The following HIRA variants were observed in gnomAD, a reference collection of about 807,000 sequenced individuals.
The protein encoded by HIRA is histone cell cycle regulator, also known as protein HIRA.
Under a neutral mutation model 126.6 loss-of-function variants are expected in HIRA, and 13 were observed. The ratio of observed to expected loss-of-function variants is 0.10; its 90% confidence interval spans 0.07 to 0.16. HIRA has a LOEUF of 0.16. Among genes scored for constraint, HIRA ranks in the 10% least tolerant of loss-of-function variants. The pLI, the probability that HIRA is intolerant of heterozygous loss-of-function variation, is 1.00. For missense variants in HIRA, 834 were observed against 1,314.4 expected (o/e 0.63, Z 5.65); for synonymous variants, 511 against 520.0 (o/e 0.98, Z 0.24).
chr22:19,363,076 T>C (rs1031716740), intron 15 of HIRA, among the ~76,000 whole-genome samples: 4 of 150,502 alleles, frequency 2.7e-5, no homozygotes, highest in Non-Finnish European at 5.9e-5. Flanking sequence ...TCTACTAAAA[T>C]ACAAAAAATT....
intron 1 of HIRA, among the ~76,000 whole-genome samples, chr22:19,422,167 T>TACACACACACACACACAC (rs1414193157): frequency 3.6e-5 from 2 of 56,262 alleles, no homozygotes; most frequent in African/African-American, 9.4e-5. Flanking sequence ...AATGTGTTTA[T>TACACACACACACACACAC]ATATACACAC....
chr22:19,332,686 T>C (rs112213743), intron 24 of HIRA, among the ~76,000 whole-genome samples: 39 of 150,228 alleles, frequency 2.6e-4, no homozygotes, highest in African/African-American at 9.3e-4. Flanking sequence ...GTGGGCACTT[T>C]AGAGGCATTT....
Position 19,388,516 on chromosome 22 carries a change from T to C in HIRA, c.975A>G (p.Glu325=). 2 of 1,613,666 alleles carry C rather than the reference T, an allele frequency of 1.2e-6. No homozygotes were observed. The highest frequency in any genetic ancestry group is 1.7e-6 in the Non-Finnish European group (2 of 1,179,584). Residue 325 remains glutamate, a synonymous_variant, in exon 10 of 25, where the codon GAA becomes GAG. Coordinates refer to ENST00000263208, the MANE Select transcript of HIRA (RefSeq NM_003325.4). ...CLKRPLVVIH[E]LFDKSIMDIS... ...TATCCATGATGGATTTGTCAAACAGTTCATGGATGACCACCAGCGGCCGTT... is the reference window on the plus strand; with the variant it reads ...TATCCATGATGGATTTGTCAAACAGCTCATGGATGACCACCAGCGGCCGTT...
At chr22:19,361,057 G>A (rs2088858815) in intron 17 of HIRA, among the ~76,000 whole-genome samples, 180 bp downstream of exon 17, 2 of 152,252 alleles carry the variant, frequency 1.3e-5, no homozygotes, top group South Asian at 2.1e-4. Flanking sequence ...GAGAGTGGAG[G>A]CTGGCAATTT....
intron 1 of HIRA, among the ~76,000 whole-genome samples, chr22:19,424,331 A>G (rs2089472341): frequency 6.6e-6 from 1 of 152,258 alleles, no homozygotes; most frequent in African/African-American, 2.4e-5. Context: ...GGGAAGACCC[A>G]AAGTCCAAGG....
intron 21 of HIRA, among the ~76,000 whole-genome samples, chr22:19,355,215 C>T (rs527868065): frequency 2.6e-4 from 40 of 152,190 alleles, no homozygotes; most frequent in African/African-American, 9.4e-4. Context: ...CTTGGAGTGG[C>T]TGGAACACAA....
intron 15 of HIRA, among the ~76,000 whole-genome samples, chr22:19,372,728 T>C (rs1398231615): frequency 6.6e-6 from 1 of 152,092 alleles, no homozygotes; most frequent in Non-Finnish European, 1.5e-5. Flanking sequence ...CCTGCCACCA[T>C]GCCTGGCTCA....
intron 15 of HIRA, among the ~76,000 whole-genome samples, chr22:19,363,749 T>G (rs2088886736): frequency 6.6e-6 from 1 of 151,940 alleles, no homozygotes; most frequent in African/African-American, 2.4e-5. Context: ...AATACAAAAA[T>G]TAGCCACGTG....
chr22:19,399,272 T>C lies in HIRA; in HGVS notation c.398-1185A>G, dbSNP rs900264544. Reference sequence around the variant, plus strand: ...TAATAGCTATCAAGTCCTTTCTTTGTACAAGAGGTTTAAGCAAAATATTCC... The same window carrying C: ...TAATAGCTATCAAGTCCTTTCTTTGCACAAGAGGTTTAAGCAAAATATTCC... On this transcript the variant is annotated intron_variant, in intron 5 of 24. Transcript: ENST00000263208. The C allele has an allele frequency of 1.5e-5, 7 of 478,282 alleles. No individual in the cohort carries two copies. The Admixed American group carries it at 3.2e-4, about 22-fold the overall frequency. 29.6% of individuals were successfully genotyped at this position (478,282 alleles called of 1,614,324 possible). A position where few individuals can be genotyped will look rare whatever the true frequency, so the allele number is the denominator to read the frequency against.
At chr22:19,357,484 A>G (rs1193879198) in intron 18 of HIRA, among the ~76,000 whole-genome samples, 2 of 152,216 alleles carry the variant, frequency 1.3e-5, no homozygotes, top group Non-Finnish European at 2.9e-5. Context: ...TGGGGATGAC[A>G]GCATGCACCT....
At chr22:19,385,764 G>A (rs2146218516) in intron 11 of HIRA, 28 bp from the exon 12 acceptor site, 2 of 1,596,276 alleles carry the variant, frequency 1.3e-6, no homozygotes, top group African/African-American at 1.3e-5. Context: ...GGCATGACAT[G>A]CCAGCATGAG....
chr22:19,370,188 G>T (rs904703726), intron 15 of HIRA, among the ~76,000 whole-genome samples: 4 of 152,002 alleles, frequency 2.6e-5, no homozygotes, highest in African/African-American at 9.7e-5. Context: ...CCTAACCTCA[G>T]GTGATCTGCC....
At chr22:19,366,661 C>T (rs1158617529) in intron 15 of HIRA, among the ~76,000 whole-genome samples, 1 of 152,202 alleles carries the variant, frequency 6.6e-6, no homozygotes, top group African/African-American at 2.4e-5. Context: ...AAAACTTGAA[C>T]AAATGAGGAG....
chr22:19,387,799 C>G lies in HIRA; in HGVS notation c.1025G>C (p.Gly342Ala), dbSNP rs747751052. ...GCCGTCCATAGAGCATACCAAGATG[C>G]CCAGCCCATTCAGAGTCCTGAAAGA... ...MDISWTLNGL[G>A]ILVCSMDGSV... Residue 342 changes from glycine to alanine, a missense_variant, in exon 11 of 25, where the codon GGC becomes GCC. By Grantham distance (60) the Gly-to-Ala change is moderately conservative. This residue lies in a region of HIRA where 153 missense variants were observed against 270.6 expected (regional missense o/e 0.57). Transcript: ENST00000263208. The G allele has an allele frequency of 4.3e-6, 7 of 1,613,006 alleles. No individual in the cohort carries two copies. Among genetic ancestry groups the G allele is most frequent in the Non-Finnish European group, 5.9e-6 (7 of 1,179,564 alleles).
chr22:19,368,147 T>C (rs987063525), intron 15 of HIRA, among the ~76,000 whole-genome samples: 44 of 152,184 alleles, frequency 2.9e-4, no homozygotes, highest in African/African-American at 1.1e-3. Flanking sequence ...TCTGGCCTGT[T>C]AGCCCCTCCT....
At chr22:19,378,560 G>A (rs2089040718) in intron 13 of HIRA, among the ~76,000 whole-genome samples, 1 of 152,236 alleles carries the variant, frequency 6.6e-6, no homozygotes. Context: ...TCAGAACTGA[G>A]GATTCTGGGA....
chr22:19,385,467 C>A, intron 12 of HIRA, 54 bp downstream of exon 12: 2 of 1,535,582 alleles, frequency 1.3e-6, no homozygotes. Context: ...CTGCCCCTCA[C>A]CCTGTCCCTG....
rs145096541 is a variant in HIRA, at chr22:19,350,686, C to G, written c.2937+672G>C. Among the ~76,000 whole-genome samples the G allele has an allele frequency of 1.2e-3, 179 of 152,188 alleles. 1 individual carries two copies. The highest frequency in any genetic ancestry group is 4.2e-3 in the African/African-American group (175 of 41,500). ...AGTTCATGACACCTCTGTGCCAACT[C>G]TGCCAAGAAGAAAACGCTAGCTCCT... On this transcript the variant is annotated intron_variant, in intron 24 of 24. Transcript: ENST00000263208.
intron 15 of HIRA, among the ~76,000 whole-genome samples, chr22:19,370,665 G>A (rs1313092428): frequency 6.6e-6 from 1 of 152,198 alleles, no homozygotes; most frequent in Non-Finnish European, 1.5e-5. Flanking sequence ...AAGATACTGG[G>A]ACTTGTTTTA....
Sources: allele counts gnomAD v4.1 joint callset (sites outside exome capture counted in the v4.1 genomes callset), GRCh38; gene constraint gnomAD v4.1.1; regional missense constraint gnomAD v4.1.1; transcripts MANE v1.5; gene names NCBI Gene and HGNC (gene_info 2026-07-23, HGNC 2026-07-21).